Variants in FRMD8 observed in about 807,000 individuals in gnomAD.
The protein encoded by FRMD8 is FERM domain-containing protein 8.
FRMD8 carries 37 observed loss-of-function variants against 54.2 expected under a neutral mutation model. That is an observed-to-expected ratio of 0.68 (90% CI 0.53 to 0.90). The LOEUF is 0.90. Ranked by LOEUF, FRMD8 falls within the 40% of genes least tolerant of loss-of-function variation. The pLI, the probability that FRMD8 is intolerant of heterozygous loss-of-function variation, is 0.00. For synonymous variants in FRMD8, 246 were observed against 286.9 expected, an observed-to-expected ratio of 0.86 and a Z score of 1.44; for missense variants, 585 against 653.7, an observed-to-expected ratio of 0.89 and a Z score of 1.15.
chr11:65,378,434 T>TG, the FRMD8 span: 346 of 152,088 alleles, frequency 2.3e-3, no homozygotes, highest in African/African-American at 7.9e-3. Context: ...TCCAAAGAGC[T>TG]GGGGGGGCAG....
intron 10 of FRMD8, among the ~76,000 whole-genome samples, chr11:65,408,709 C>T (rs542537732): frequency 6.6e-5 from 10 of 151,564 alleles, no homozygotes; most frequent in Admixed American, 1.3e-4. Context: ...ACCTCCCGTG[C>T]TCAAGCAGTC....
At chr11:65,379,983 G>A in the FRMD8 span, 1 of 1,609,832 alleles carries the variant, frequency 6.2e-7, no homozygotes, top group South Asian at 1.1e-5. Context: ...ATGGGCAGGT[G>A]GGCCAACCTT....
intron 9 of FRMD8, among the ~76,000 whole-genome samples, chr11:65,402,812 ATTTCT>A (rs1856110584): frequency 6.8e-6 from 1 of 146,612 alleles, no homozygotes; most frequent in South Asian, 2.1e-4. Context: ...AGATTTATCC[ATTTCT>A]TTTTTTTTTT....
chr11:65,370,851 G>A, the FRMD8 span, among the ~76,000 whole-genome samples: 4 of 152,108 alleles, frequency 2.6e-5, no homozygotes, highest in East Asian at 1.9e-4. Context: ...GATCACTTGA[G>A]CCCAGGAATT....
chr11:65,401,556 G>T (rs1369130065), intron 9 of FRMD8, among the ~76,000 whole-genome samples: 6 of 149,598 alleles, frequency 4.0e-5, no homozygotes, highest in African/African-American at 1.2e-4. Flanking sequence ...CCCCTCCCTT[G>T]GCAGCCAGAC....
chr11:65,407,286 C>T (rs1856222444), intron 10 of FRMD8, among the ~76,000 whole-genome samples: 2 of 151,798 alleles, frequency 1.3e-5, no homozygotes, highest in Non-Finnish European at 2.9e-5. Flanking sequence ...GAGTCTCGCT[C>T]TGTCACCCAG....
chr11:65,404,765 C>A lies in FRMD8; in HGVS notation c.1072-99C>A. On this transcript the variant is annotated intron_variant, in intron 9 of 10. Transcript: ENST00000317568. The surrounding 1 kb of genome is among the most constrained non-coding windows in gnomAD (Gnocchi z 4.7). The stretch of plus-strand genomic sequence containing the variant: ...CCCTCCTGAGTGATGTGTGTCCCCT[C>A]CCCTGCTTCCCCAACCAGAGAGCAG... The A allele has an allele frequency of 9.9e-7, 1 of 1,008,240 alleles. No individual in the cohort carries two copies. The highest frequency in any genetic ancestry group is 2.5e-5 in the East Asian group (1 of 40,286). The allele number at this position is 1,008,240 out of a possible 1,614,324, so 62.5% of individuals were successfully genotyped here.
At chr11:65,396,744 C>A in intron 6 of FRMD8, 55 bp from the exon 7 acceptor site, 1 of 1,232,644 alleles carries the variant, frequency 8.1e-7, no homozygotes, top group East Asian at 2.9e-5. Flanking sequence ...CGCCCTCCCC[C>A]GTGAGCCTGG....
the FRMD8 span, among the ~76,000 whole-genome samples, chr11:65,369,507 T>A: frequency 4.0e-4 from 60 of 151,344 alleles, no homozygotes; most frequent in East Asian, 0.011. Flanking sequence ...GGCAGGTGGA[T>A]CACCTGAGGT....
the FRMD8 span, among the ~76,000 whole-genome samples, chr11:65,373,833 C>A: frequency 9.2e-5 from 14 of 152,206 alleles, no homozygotes; most frequent in Admixed American, 5.2e-4. Context: ...AGTGGTCCTC[C>A]TGCCTCGGCC....
chr11:65,372,694 C>T, the FRMD8 span, among the ~76,000 whole-genome samples: 4 of 152,106 alleles, frequency 2.6e-5, no homozygotes, highest in African/African-American at 7.2e-5. Flanking sequence ...AGAGGGGCAC[C>T]CAAATGGGAA....
At chr11:65,398,341 C>T (rs932436092) in intron 7 of FRMD8, among the ~76,000 whole-genome samples, 6 of 152,316 alleles carry the variant, frequency 3.9e-5, no homozygotes, top group Middle Eastern at 3.4e-3. Flanking sequence ...ACTTGTTAGA[C>T]GCCCCACTGG....
At chr11:65,386,341 T>G (rs528893167), upstream of FRMD8, among the ~76,000 whole-genome samples, 3 of 152,304 alleles carry the variant, frequency 2.0e-5, no homozygotes, top group East Asian at 5.8e-4. Context: ...GGCAGGGAAC[T>G]AGCCCGAAGA....
the FRMD8 span, chr11:65,376,990 G>C: frequency 6.2e-7 from 1 of 1,613,606 alleles, no homozygotes. Context: ...CCTGGTACCG[G>C]GGTGGGGGGC....
chr11:65,408,152 G>A (rs1195022900), intron 10 of FRMD8, among the ~76,000 whole-genome samples: 2 of 148,760 alleles, frequency 1.3e-5, no homozygotes, highest in East Asian at 2.0e-4. Flanking sequence ...TCGGCTCACC[G>A]CAACCTCCAC....
the FRMD8 span, chr11:65,376,223 A>T: frequency 1.5e-6 from 1 of 664,762 alleles, no homozygotes; most frequent in Non-Finnish European, 2.5e-6. Context: ...GAGGCTGCAC[A>T]GGCCCCCTGG....
the FRMD8 span, among the ~76,000 whole-genome samples, chr11:65,372,733 A>G: frequency 1.4e-3 from 214 of 152,288 alleles, 1 homozygote; most frequent in African/African-American, 4.8e-3. Context: ...TTGATGAGAA[A>G]TAGCAAACAA....
chr11:65,391,589 C>T (rs1234925261), intron 3 of FRMD8, among the ~76,000 whole-genome samples: 1 of 152,090 alleles, frequency 6.6e-6, no homozygotes, highest in Non-Finnish European at 1.5e-5. Context: ...CAGCTCACTG[C>T]AACCTCCGCC....
At chr11:65,405,116 GCA>G (rs1323408254) in intron 10 of FRMD8, 48 bp downstream of exon 10, 1 of 1,559,870 alleles carries the variant, frequency 6.4e-7, no homozygotes, top group Admixed American at 1.7e-5. Context: ...GCATGCGCGT[GCA>G]CACACCGGGG....
Sources: gnomAD v4.1 joint callset for allele counts (sites outside exome capture counted in the v4.1 genomes callset) on GRCh38, gnomAD v4.1.1 for gene constraint, Gnocchi (gnomAD v3.1) non-coding constraint, MANE v1.5 for transcripts, NCBI Gene and HGNC (gene_info 2026-07-23, HGNC 2026-07-21) for gene names.